Variants in CCDC3 observed in about 807,000 individuals in gnomAD.
CCDC3 encodes the protein coiled-coil domain containing 3, also known as coiled-coil domain-containing protein 3.
In CCDC3, 24 loss-of-function variants were observed where a neutral mutation model predicts 21.4. That is an observed-to-expected ratio of 1.12 (90% CI 0.81 to 1.58). The LOEUF is 1.58. Among genes scored for constraint, CCDC3 ranks in the 40% most tolerant of loss-of-function variants. The pLI, the probability that CCDC3 is intolerant of heterozygous loss-of-function variation, is 0.00. For synonymous variants in CCDC3, 186 were observed against 166.0 expected (o/e 1.12, Z -0.93); for missense variants, 425 against 360.9 (o/e 1.18, Z -1.44).
intron 5 of CCDC3, among the ~76,000 whole-genome samples, chr10:13,040,411 G>T (rs182316553): frequency 7.2e-5 from 11 of 152,160 alleles, no homozygotes; most frequent in Admixed American, 7.2e-4. Flanking sequence ...ATCCGCAAAA[G>T]TAAACAGCTG....
chr10:13,096,719 A>C (rs1171555022), intron 3 of CCDC3, among the ~76,000 whole-genome samples: 2 of 152,200 alleles, frequency 1.3e-5, no homozygotes, highest in African/African-American at 4.8e-5. Context: ...TGGGCAGCAG[A>C]ATCTGCGGGA....
chr10:12,968,777 T>C (rs1484778050), intron 2 of CCDC3, among the ~76,000 whole-genome samples: 1 of 152,150 alleles, frequency 6.6e-6, no homozygotes, highest in Non-Finnish European at 1.5e-5. Flanking sequence ...TTAAGTTATT[T>C]ACAGCTTAAA....
chr10:12,994,001 A>G (rs1835718209), intron 2 of CCDC3, among the ~76,000 whole-genome samples: 1 of 152,204 alleles, frequency 6.6e-6, no homozygotes, highest in East Asian at 1.9e-4. Flanking sequence ...TCCAACAGAG[A>G]GAAAGTGAGA....
At chr10:12,902,185 G>C (rs1464650961) in intron 2 of CCDC3, among the ~76,000 whole-genome samples, 3 of 152,198 alleles carry the variant, frequency 2.0e-5, no homozygotes, top group Non-Finnish European at 4.4e-5. Context: ...TAGGCCTACA[G>C]TTAAGAAAAA....
At chr10:12,991,295 AACAT>A (rs779719575) in intron 2 of CCDC3, among the ~76,000 whole-genome samples, 46 of 151,256 alleles carry the variant, frequency 3.0e-4, no homozygotes, top group Non-Finnish European at 5.2e-4. Flanking sequence ...CCAAAGCTTG[AACAT>A]ATGTTTTTTT....
At chr10:13,036,097 T>C (rs1241361242) in intron 5 of CCDC3, among the ~76,000 whole-genome samples, 3 of 151,764 alleles carry the variant, frequency 2.0e-5, no homozygotes, top group Admixed American at 2.0e-4. Flanking sequence ...TGAGCCGAGA[T>C]TGAGCCACTG....
intron 5 of CCDC3, among the ~76,000 whole-genome samples, chr10:13,029,651 CT>C (rs1393758644): frequency 6.6e-6 from 1 of 152,158 alleles, no homozygotes; most frequent in Non-Finnish European, 1.5e-5. Flanking sequence ...CCTAAATGAC[CT>C]GACGGAGCTG....
At chr10:13,073,843 C>T (rs1392759278) in intron 4 of CCDC3, 1 of 151,954 alleles carries the variant, frequency 6.6e-6, no homozygotes, top group Non-Finnish European at 1.5e-5. Context: ...AGAATAAACC[C>T]AACAGGTCTA....
chr10:12,922,425 C>T (rs994241010), intron 2 of CCDC3, among the ~76,000 whole-genome samples: 3 of 152,138 alleles, frequency 2.0e-5, no homozygotes, highest in Admixed American at 6.5e-5. Flanking sequence ...AGAATTGGCC[C>T]AGCACCTCCC....
intron 4 of CCDC3, among the ~76,000 whole-genome samples, chr10:13,070,560 G>A (rs1836870082): frequency 6.6e-6 from 1 of 152,182 alleles, no homozygotes; most frequent in South Asian, 2.1e-4. Flanking sequence ...GGTAAAGAAT[G>A]TCACTTTCCA....
intron 4 of CCDC3, chr10:13,058,487 T>A (rs1836711953): frequency 1.3e-6 from 1 of 751,372 alleles, no homozygotes; most frequent in Non-Finnish European, 2.4e-6. Flanking sequence ...GCCTAAGCAA[T>A]CTGACAAATG....
At chr10:12,988,285 T>G (rs1172187594) in intron 2 of CCDC3, among the ~76,000 whole-genome samples, 2 of 152,196 alleles carry the variant, frequency 1.3e-5, no homozygotes, top group African/African-American at 4.8e-5. Flanking sequence ...TATGGCTGGT[T>G]CTGTGTCCTT....
intron 3 of CCDC3, among the ~76,000 whole-genome samples, chr10:13,090,004 T>A (rs537355808): frequency 1.4e-3 from 214 of 149,082 alleles, no homozygotes; most frequent in South Asian, 1.0e-2. Flanking sequence ...ATTAATTCAT[T>A]CCTTTTTATG....
At chr10:13,029,619 G>C (rs1181291410) in intron 5 of CCDC3, among the ~76,000 whole-genome samples, 1 of 152,156 alleles carries the variant, frequency 6.6e-6, no homozygotes, top group Admixed American at 6.5e-5. Context: ...TGGTTAACTA[G>C]AACAAACAGC....
At chr10:12,977,961 T>C (rs1214772966) in intron 2 of CCDC3, among the ~76,000 whole-genome samples, 1 of 151,840 alleles carries the variant, frequency 6.6e-6, no homozygotes, top group Non-Finnish European at 1.5e-5. Context: ...ATGGTGTCAA[T>C]GATGTGGTTT....
chr10:13,048,718 G>A (rs186532733), intron 5 of CCDC3, among the ~76,000 whole-genome samples: 176 of 152,214 alleles, frequency 1.2e-3, no homozygotes, highest in East Asian at 9.7e-4. Context: ...TTGGCAGGTC[G>A]CTAGCTGTCC....
chr10:13,068,023 T>C (rs1272809543), intron 4 of CCDC3, among the ~76,000 whole-genome samples: 1 of 152,202 alleles, frequency 6.6e-6, no homozygotes, highest in Non-Finnish European at 1.5e-5. Context: ...TCTTAATGTA[T>C]GCATGAGAGG....
At position 13,036,430 on chromosome 10, in the gene CCDC3, C is replaced by A. The variant is rs377329187; in HGVS notation, c.-2+13244G>T. Among the ~76,000 whole-genome samples the A allele has an allele frequency of 1.2e-4, 19 of 152,230 alleles. No homozygotes were observed. In the South Asian group the frequency reaches 3.9e-3, roughly 32 times the overall value. ...TAAATCAGACAAACTTCTAGAAAAC[C>A]ATGTTCTCTCTAAGCTAGACAGAAA... is the stretch of plus-strand genomic sequence containing the variant. On this transcript the variant is annotated intron_variant, in intron 5 of 6. Transcript: ENST00000378839.
chr10:13,005,083 G>C (rs1835910793), upstream of CCDC3, among the ~76,000 whole-genome samples: 2 of 152,150 alleles, frequency 1.3e-5, no homozygotes, highest in African/African-American at 4.8e-5. Context: ...CAGTGTCCAT[G>C]TGTACTCCCA....
Sources: allele counts gnomAD v4.1 joint callset (sites outside exome capture counted in the v4.1 genomes callset), GRCh38; gene constraint gnomAD v4.1.1; transcripts MANE v1.5; gene names NCBI Gene and HGNC (gene_info 2026-07-23, HGNC 2026-07-21).